The following PLCB1 variants were observed in gnomAD, a reference collection of about 807,000 sequenced individuals.
The protein encoded by PLCB1 is 1-phosphatidylinositol 4,5-bisphosphate phosphodiesterase beta-1.
PLCB1 carries 46 observed loss-of-function variants against 161.8 expected under a neutral mutation model. That is an observed-to-expected ratio of 0.28 (90% CI 0.22 to 0.36). The LOEUF (loss-of-function observed/expected upper bound fraction) is 0.36. PLCB1 is among the 10% of genes least tolerant of loss of function. The pLI, the probability that PLCB1 is intolerant of heterozygous loss-of-function variation, is 1.00. For missense variants in PLCB1, 1,016 were observed against 1,472.5 expected (o/e 0.69, Z 5.07); for synonymous variants, 517 against 503.7 (o/e 1.03, Z -0.35).
At chr20:8,586,379 G>A (rs188951410) in intron 3 of PLCB1, among the ~76,000 whole-genome samples, 28 of 150,140 alleles carry the variant, frequency 1.9e-4, no homozygotes, top group Admixed American at 1.5e-3. Flanking sequence ...CCTAAAAAGC[G>A]TCATCTTTCT....
chr20:8,645,064 TAAATGGATTAAGGGCGG>T lies in PLCB1; in HGVS notation c.385-1037_385-1021del, dbSNP rs1333506683. On this transcript the variant is annotated intron_variant, in intron 4 of 31. Coordinates refer to ENST00000338037, the MANE Select transcript of PLCB1 (RefSeq NM_015192.4). ...AACATGTGCTGTGTCCACTCAGGGTTAAATGGATTAAGGGCGGTGCAAGATGTGCTTTGTTAAACAGA... is the reference window on the plus strand; with the variant it reads ...AACATGTGCTGTGTCCACTCAGGGTTTGCAAGATGTGCTTTGTTAAACAGA... Among the ~76,000 whole-genome samples the T allele has an allele frequency of 7.2e-5, 11 of 152,230 alleles. No individual in the cohort carries two copies. The South Asian group carries it at 1.9e-3, about 26-fold the overall frequency.
At chr20:8,393,544 C>A (rs933888924) in intron 3 of PLCB1, among the ~76,000 whole-genome samples, 1 of 152,088 alleles carries the variant, frequency 6.6e-6, no homozygotes, top group Non-Finnish European at 1.5e-5. Flanking sequence ...CTCCCAGCTA[C>A]TCAGTATAGG....
chr20:8,836,032 C>T (rs1206598790), intron 31 of PLCB1, among the ~76,000 whole-genome samples: 3 of 151,468 alleles, frequency 2.0e-5, no homozygotes, highest in African/African-American at 7.3e-5. Flanking sequence ...ATGGTCTTAC[C>T]TACCTGGCTG....
intron 3 of PLCB1, among the ~76,000 whole-genome samples, chr20:8,577,053 G>A (rs1323503020): frequency 6.6e-6 from 1 of 152,120 alleles, no homozygotes; most frequent in Non-Finnish European, 1.5e-5. Flanking sequence ...GAAAGAATGT[G>A]AGTTTGACGA....
At chr20:8,873,703 T>G (rs1987683402) in intron 31 of PLCB1, among the ~76,000 whole-genome samples, 1 of 152,090 alleles carries the variant, frequency 6.6e-6, no homozygotes, top group South Asian at 2.1e-4. Flanking sequence ...ATAGGTACAT[T>G]TTTTCACTTA....
At chr20:8,654,538 C>T (rs753843539) in intron 7 of PLCB1, among the ~76,000 whole-genome samples, 7 of 151,730 alleles carry the variant, frequency 4.6e-5, no homozygotes, top group Middle Eastern at 3.4e-3. Flanking sequence ...GCTCATAGTT[C>T]AGTAGAAAAT....
chr20:8,655,372 C>A (rs1398000966), intron 7 of PLCB1, among the ~76,000 whole-genome samples: 2 of 152,130 alleles, frequency 1.3e-5, no homozygotes, highest in African/African-American at 4.8e-5. Flanking sequence ...GAAATAGAGC[C>A]ATTAACAGAC....
chr20:8,377,690 A>G (rs887557997), intron 3 of PLCB1, among the ~76,000 whole-genome samples: 2 of 152,242 alleles, frequency 1.3e-5, no homozygotes, highest in African/African-American at 4.8e-5. Context: ...AAAAGATTCT[A>G]GAACAACTAT....
intron 1 of PLCB1, among the ~76,000 whole-genome samples, chr20:8,133,460 G>A (rs1175347395): frequency 2.0e-5 from 3 of 152,070 alleles, no homozygotes; most frequent in Non-Finnish European, 4.4e-5. Flanking sequence ...GGAGTCTTCT[G>A]CCTGAAATAG....
chr20:8,861,601 G>A (rs912689256), intron 31 of PLCB1, among the ~76,000 whole-genome samples: 4 of 151,958 alleles, frequency 2.6e-5, no homozygotes, highest in Non-Finnish European at 4.4e-5. Flanking sequence ...ATGGTGGCGC[G>A]CGCCTGTAGT....
intron 2 of PLCB1, among the ~76,000 whole-genome samples, chr20:8,171,817 T>A (rs1401986908): frequency 6.6e-6 from 1 of 152,182 alleles, no homozygotes; most frequent in Non-Finnish European, 1.5e-5. Flanking sequence ...CAGAAATTCA[T>A]CTGAGAGCAG....
intron 3 of PLCB1, among the ~76,000 whole-genome samples, chr20:8,518,290 A>T (rs574751760): frequency 5.3e-5 from 8 of 152,304 alleles, no homozygotes; most frequent in African/African-American, 1.9e-4. Context: ...TCATTGACTA[A>T]TGAATCCCAA....
intron 1 of PLCB1, among the ~76,000 whole-genome samples, chr20:8,135,480 C>G (rs1398087677): frequency 6.6e-6 from 1 of 152,016 alleles, no homozygotes; most frequent in Non-Finnish European, 1.5e-5. Context: ...GGGTGGTAGT[C>G]GAAAGCTTTA....
Position 8,684,934 on chromosome 20 carries a change from C to A in PLCB1, c.865C>A (p.Gln289Lys). Residue 289 changes from glutamine to lysine, a missense_variant and splice_region_variant, in exon 10 of 32, where the codon CAA becomes AAA. Around this residue, in one of 10 missense-constraint regions of PLCB1, gnomAD observed 117 missense variants for 142.2 expected, o/e 0.82. Coordinates refer to ENST00000338037, the MANE Select transcript of PLCB1 (RefSeq NM_015192.4). ...EPNNSLARKG[Q>K]ISVDGFMRYL... ...CTTTCTAACTTCATTTCCTCCAGGA[C>A]AAATATCAGTGGATGGGTTCATGCG... 6.2e-7 allele frequency: 1 copy of A among 1,611,668 alleles called. No individual in the cohort carries two copies. The highest frequency in any genetic ancestry group is 8.5e-7 in the Non-Finnish European group (1 of 1,178,522).
At position 8,475,598 on chromosome 20, in the gene PLCB1, G is replaced by A. The variant is rs116416856; in HGVS notation, c.246+104148G>A. ...CAAATGTAACTTTTTTCTACACCTT[G>A]TCTTTTTAAAACCAACAACATCTTT... On this transcript the variant is annotated intron_variant, in intron 3 of 31. Coordinates refer to ENST00000338037, the MANE Select transcript of PLCB1 (RefSeq NM_015192.4). Among the ~76,000 whole-genome samples the A allele has an allele frequency of 8.6e-3, 1,311 of 152,252 alleles. 19 individuals carry two copies. Among genetic ancestry groups the A allele is most frequent in the African/African-American group, 0.029 (1,208 of 41,540 alleles).
chr20:8,344,057 G>A (rs1427099742), intron 2 of PLCB1, among the ~76,000 whole-genome samples: 1 of 152,124 alleles, frequency 6.6e-6, no homozygotes, highest in Admixed American at 6.5e-5. Context: ...ACATTGGTCT[G>A]CCCTATTTTT....
rs1470039972 is a variant in PLCB1, at chr20:8,360,878, C to CA, written c.178-10503dup. Reference sequence around the variant, plus strand: ...AGGTCATCAAAATGCAAACCTTTGGCAGAAAAAAAATTGTGATACATTTTG... The same window carrying CA: ...AGGTCATCAAAATGCAAACCTTTGGCAAGAAAAAAAATTGTGATACATTTTG... On this transcript the variant is annotated intron_variant, in intron 2 of 31. Coordinates refer to ENST00000338037, the MANE Select transcript of PLCB1 (RefSeq NM_015192.4). Among the ~76,000 whole-genome samples the CA allele has an allele frequency of 1.8e-3, 278 of 151,848 alleles. 3 individuals carry two copies. Among genetic ancestry groups the CA allele is most frequent in the Non-Finnish European group, 2.5e-4 (17 of 67,954 alleles).
At chr20:8,733,652 GC>G (rs1223486137) in intron 19 of PLCB1, among the ~76,000 whole-genome samples, 4 of 150,508 alleles carry the variant, frequency 2.7e-5, no homozygotes, top group East Asian at 2.0e-4. Flanking sequence ...GGTGGGGGGA[GC>G]GGGGAGGGAT....
chr20:8,744,518 G>A (rs1299188244), intron 23 of PLCB1, among the ~76,000 whole-genome samples: 3 of 151,752 alleles, frequency 2.0e-5, no homozygotes, highest in Non-Finnish European at 2.9e-5. Context: ...TGAGGCAGGG[G>A]AATTGCTTGA....
Sources: allele counts gnomAD v4.1 joint callset (sites outside exome capture counted in the v4.1 genomes callset), GRCh38; gene constraint gnomAD v4.1.1; regional missense constraint gnomAD v4.1.1; transcripts MANE v1.5; gene names NCBI Gene and HGNC (gene_info 2026-07-23, HGNC 2026-07-21).